SFMBT2: variants seen among roughly 807,000 people sequenced by gnomAD.
The protein encoded by SFMBT2 is Scm like with four mbt domains 2, also known as scm-like with four MBT domains protein 2.
A neutral mutation model predicts 110.1 loss-of-function variants in SFMBT2; 38 were observed. The ratio of observed to expected loss-of-function variants is 0.35; its 90% CI spans 0.27 to 0.45. The LOEUF is 0.45. Ranked by LOEUF, SFMBT2 falls within the 20% of genes least tolerant of loss-of-function variation. The probability of loss-of-function intolerance (pLI) is 1.00; values close to 1 mark genes in which losing one functional copy is unlikely to be tolerated. For missense variants in SFMBT2, 1,011 were observed against 1,094.9 expected, an observed-to-expected ratio of 0.92 and a Z score of 1.08; for synonymous variants, 425 against 425.4, an observed-to-expected ratio of 1.00 and a Z score of 0.01.
chr10:7,362,658 C>A (rs1482121910), intron 4 of SFMBT2, among the ~76,000 whole-genome samples: 4 of 152,260 alleles, frequency 2.6e-5, no homozygotes, highest in African/African-American at 7.2e-5. Context: ...TATCCACAAC[C>A]AACTGACTTG....
At chr10:7,384,105 G>A (rs1307359211) in intron 1 of SFMBT2, among the ~76,000 whole-genome samples, 1 of 150,096 alleles carries the variant, frequency 6.7e-6, no homozygotes, top group African/African-American at 2.5e-5. Flanking sequence ...CAGCTACTCG[G>A]GAAGCTGAGG....
intron 8 of SFMBT2, among the ~76,000 whole-genome samples, chr10:7,248,304 G>C (rs1840682700): frequency 6.6e-6 from 1 of 152,214 alleles, no homozygotes; most frequent in Non-Finnish European, 1.5e-5. Flanking sequence ...ACAACTATCA[G>C]AAGACAAGGA....
intron 16 of SFMBT2, among the ~76,000 whole-genome samples, chr10:7,179,036 T>A (rs544095604): frequency 2.2e-4 from 33 of 152,260 alleles, no homozygotes; most frequent in African/African-American, 7.5e-4. Context: ...CTTTTTTTTT[T>A]AAAGTATCAA....
intron 15 of SFMBT2, among the ~76,000 whole-genome samples, chr10:7,191,488 T>A (rs1214291849): frequency 6.6e-6 from 1 of 152,200 alleles, no homozygotes. Flanking sequence ...GCTCTGTTCT[T>A]CTCTTAGGAT....
intron 4 of SFMBT2, among the ~76,000 whole-genome samples, chr10:7,354,659 C>T (rs1327860286): frequency 6.6e-6 from 1 of 151,244 alleles, no homozygotes; most frequent in Non-Finnish European, 1.5e-5. Flanking sequence ...AACCCTAAAA[C>T]AGGCCCAGAC....
At chr10:7,402,036 C>T (rs748632656) in intron 1 of SFMBT2, among the ~76,000 whole-genome samples, 3 of 150,746 alleles carry the variant, frequency 2.0e-5, no homozygotes, top group African/African-American at 2.4e-5. Flanking sequence ...AGACAGGAGA[C>T]GGAGAGCTCT....
At chr10:7,340,606 T>C (rs965730869) in intron 4 of SFMBT2, among the ~76,000 whole-genome samples, 3 of 144,070 alleles carry the variant, frequency 2.1e-5, no homozygotes, top group Non-Finnish European at 3.0e-5. Flanking sequence ...TGAGCCATGA[T>C]GATCCTGCCA....
rs1021884143 is a variant in SFMBT2 at position 7,159,256 on chromosome 10, A to G, written c.*4514T>C. On this transcript the variant is annotated 3_prime_UTR_variant, in exon 21 of 21. Transcript: ENST00000397167. ...TATTTGAGTTGTTACTTGTCATTGAAACTAGAGAGGTTTTAAACCAAAATT... is the reference window on the plus strand; with the variant it reads ...TATTTGAGTTGTTACTTGTCATTGAGACTAGAGAGGTTTTAAACCAAAATT... 1 of 152,168 alleles carries G rather than the reference A, an allele frequency of 6.6e-6. No individual in the cohort carries two copies. Among genetic ancestry groups the G allele is most frequent in the East Asian group, 1.9e-4 (1 of 5,208 alleles). 9.4% of individuals were successfully genotyped at this position (152,168 alleles called of 1,614,324 possible). A position where few individuals can be genotyped will look rare whatever the true frequency, so the allele number is the denominator to read the frequency against.
chr10:7,312,687 T>A (rs1301806394), intron 4 of SFMBT2, among the ~76,000 whole-genome samples: 3 of 152,208 alleles, frequency 2.0e-5, no homozygotes, highest in Admixed American at 6.5e-5. Context: ...AATGGTCTGT[T>A]TCGTTTATAG....
intron 17 of SFMBT2, 33 bp downstream of exon 17, chr10:7,175,957 T>C: frequency 1.3e-6 from 2 of 1,592,086 alleles, no homozygotes; most frequent in Non-Finnish European, 1.7e-6. Context: ...GTCTCTGGGC[T>C]CATGCATTTC....
At chr10:7,409,644 A>G (rs537079646) in intron 1 of SFMBT2, among the ~76,000 whole-genome samples, 7 of 148,668 alleles carry the variant, frequency 4.7e-5, no homozygotes, top group African/African-American at 1.7e-4. Context: ...CTAACCACGG[A>G]AAAAAAAAAC....
Position 7,170,687 on chromosome 10 carries a change from C to T in SFMBT2, c.2544+241G>A, listed in dbSNP as rs1270783360. 6.6e-6 allele frequency among the ~76,000 whole-genome samples: 1 copy of T among 152,064 alleles called. No individual in the cohort carries two copies. Among genetic ancestry groups the T allele is most frequent in the African/African-American group, 2.4e-5 (1 of 41,416 alleles). On this transcript the variant is annotated intron_variant, in intron 20 of 20. Coordinates refer to ENST00000397167, the MANE Select transcript of SFMBT2 (RefSeq NM_001387889.1). The surrounding 1 kb of genome is among the most constrained non-coding windows in gnomAD (Gnocchi z 4.6). Reference sequence around the variant, plus strand: ...TGTCACTAGAGCCTGGAAGAGTCACCCCTCCGCCCCCCACCATGGCACTGG... The same window carrying T: ...TGTCACTAGAGCCTGGAAGAGTCACTCCTCCGCCCCCCACCATGGCACTGG...
In SFMBT2 at chr10:7,172,870, C is replaced by A. The variant is rs1362721882; in HGVS notation, c.1985-209G>T. On this transcript the variant is annotated intron_variant, in intron 17 of 20. Coordinates refer to ENST00000397167, the MANE Select transcript of SFMBT2 (RefSeq NM_001387889.1). This position sits in a 1 kb window ranked among gnomAD's most constrained non-coding sequence, Gnocchi z 4.6. ...GTTCGGGCTGAACTTGGCCCGTCCC[C>A]AGTGTTGAAGCCCAAACCCCCAAAG... 6.6e-6 allele frequency among the ~76,000 whole-genome samples: 1 copy of A among 152,190 alleles called. No homozygotes were observed. The highest frequency in any genetic ancestry group is 1.5e-5 in the Non-Finnish European group (1 of 68,022).
chr10:7,245,963 C>T (rs1438920272), intron 8 of SFMBT2, among the ~76,000 whole-genome samples: 1 of 152,188 alleles, frequency 6.6e-6, no homozygotes, highest in Non-Finnish European at 1.5e-5. Flanking sequence ...TTCCAAAGTA[C>T]TTTCCTCATA....
rs4353173 is a variant in SFMBT2 at position 7,293,030 on chromosome 10, G to C, written c.437-7076C>G. Among the ~76,000 whole-genome samples, 55,735 of 152,018 alleles carry C rather than the reference G, an allele frequency of 0.37. 11,547 individuals carry two copies. Among genetic ancestry groups the C allele is most frequent in the East Asian group, 0.75 (3,882 of 5,178 alleles). On this transcript the variant is annotated intron_variant, in intron 4 of 20. Transcript: ENST00000397167. This position sits in a 1 kb window ranked among gnomAD's most constrained non-coding sequence, Gnocchi z 4.6. ...TTAACAAAGACATTATCTAAGAATT[G>C]TTGGAAGCAAATGACACAGCCCTAT...
At chr10:7,402,165 T>C (rs1296243059) in intron 1 of SFMBT2, among the ~76,000 whole-genome samples, 2 of 148,598 alleles carry the variant, frequency 1.3e-5, no homozygotes, top group Non-Finnish European at 3.0e-5. Flanking sequence ...AATCTGGAGA[T>C]AGGAAAAAAT....
chr10:7,164,217 T>C (rs781219259), intron 20 of SFMBT2: 1 of 774,684 alleles, frequency 1.3e-6, no homozygotes, highest in Non-Finnish European at 1.6e-6. Context: ...TGAGATACGG[T>C]CTCTACAAAA....
Position 7,378,206 on chromosome 10 carries a change from GTGGATGTGTGA to G in SFMBT2, c.100+3582_100+3592del, listed in dbSNP as rs1261399564. ...AGTGTGGGTGTGTGTGGGTGTATGTGTGGATGTGTGATGGATGGGTGTGAGTGTGGGTGTGT... is the reference window on the plus strand; with the variant it reads ...AGTGTGGGTGTGTGTGGGTGTATGTGTGGATGGGTGTGAGTGTGGGTGTGT... On this transcript the variant is annotated intron_variant, in intron 2 of 20. Transcript: ENST00000397167. 4.0e-3 allele frequency among the ~76,000 whole-genome samples: 77 copies of G among 19,226 alleles called. 2 individuals are homozygous for G. The highest frequency in any genetic ancestry group is 0.02 in the East Asian group (2 of 102). 12.6% of individuals were successfully genotyped at this position (19,226 alleles called of 152,430 possible). A position where few individuals can be genotyped will look rare whatever the true frequency, so the allele number is the denominator to read the frequency against.
intron 4 of SFMBT2, among the ~76,000 whole-genome samples, chr10:7,342,626 T>C (rs914950874): frequency 1.3e-5 from 2 of 151,926 alleles, no homozygotes; most frequent in African/African-American, 4.8e-5. Context: ...CTCGATCTCC[T>C]GACTTTGTGA....
Sources: allele counts gnomAD v4.1 joint callset (sites outside exome capture counted in the v4.1 genomes callset), GRCh38; gene constraint gnomAD v4.1.1; non-coding constraint Gnocchi (gnomAD v3.1); transcripts MANE v1.5; gene names NCBI Gene and HGNC (gene_info 2026-07-23, HGNC 2026-07-21).